PCDHA8: variants seen among roughly 807,000 people sequenced by gnomAD.
The protein encoded by PCDHA8 is protocadherin alpha 8.
Under a neutral mutation model 61.8 loss-of-function variants are expected in PCDHA8, and 53 were observed. The observed-to-expected ratio is 0.86, with a 90% CI of 0.69 to 1.08. The LOEUF (loss-of-function observed/expected upper bound fraction) is 1.08, where lower values mean the gene tolerates loss of function less well. Among genes scored for constraint, PCDHA8 ranks in the 50% least tolerant of loss-of-function variants. PCDHA8 has a pLI of 0.00. For synonymous variants in PCDHA8, 618 were observed against 556.6 expected, an observed-to-expected ratio of 1.11 and a Z score of -1.55; for missense variants, 1,293 against 1,245.0, an observed-to-expected ratio of 1.04 and a Z score of -0.58.
rs2150532197 is a variant in PCDHA8, at chr5:140,853,456, T to A, written c.2394+9741T>A. 114 of 975,538 alleles carry A rather than the reference T, an allele frequency of 1.2e-4. 11 individuals are homozygous for A. The Admixed American group carries it at 6.5e-3, about 55-fold the overall frequency. The allele number at this position is 975,538 out of a possible 1,614,324, so 60.4% of individuals were successfully genotyped here. A position where few individuals can be genotyped will look rare whatever the true frequency, so the allele number is the denominator to read the frequency against. ...TCCTATTTTGCCTAATAGGTCTCCT[T>A]ATATGCATCTGTAGTTAACATTCCT... On this transcript the variant is annotated intron_variant, in intron 1 of 3. Transcript: ENST00000531613.
rs782641512 is a variant in PCDHA8 at position 140,857,970 on chromosome 5, C to T, written c.2394+14255C>T. The T allele has an allele frequency of 1.9e-5, 30 of 1,596,836 alleles. 3 individuals are homozygous for T. The highest frequency in any genetic ancestry group is 1.1e-4 in the African/African-American group (8 of 74,204). ...ACGCGCGCTCTGGATGAGACTGACT[C>T]GCCACGCCAGCGCCTACTGGTGCTG... On this transcript the variant is annotated intron_variant, in intron 1 of 3. Coordinates refer to ENST00000531613, the MANE Select transcript of PCDHA8 (RefSeq NM_018911.3).
chr5:140,993,267 T>C (rs1554253547), intron 3 of PCDHA8, among the ~76,000 whole-genome samples: 1 of 152,166 alleles, frequency 6.6e-6, no homozygotes, highest in Non-Finnish European at 1.5e-5. Context: ...ATTAGCTTCT[T>C]TGGTCTTTTC....
At position 140,966,347 on chromosome 5, in the gene PCDHA8, G is replaced by A. The variant is rs189506336; in HGVS notation, c.2395-12602G>A. 6.3e-5 allele frequency: 25 copies of A among 397,502 alleles called. No homozygotes were observed. The East Asian group carries it at 8.6e-4, about 14-fold the overall frequency. The allele number at this position is 397,502 out of a possible 1,614,324, so 24.6% of individuals were successfully genotyped here. A position where few individuals can be genotyped will look rare whatever the true frequency, so the allele number is the denominator to read the frequency against. On this transcript the variant is annotated intron_variant, in intron 1 of 3. Transcript: ENST00000531613. ...GGGATCCGGCAGGTCCAGGGTGAAG[G>A]AGATGGGGCTGGAGAGGCTGAGCAG... is the stretch of plus-strand genomic sequence containing the variant.
Position 140,850,693 on chromosome 5 carries a change from C to G in PCDHA8, c.2394+6978C>G, listed in dbSNP as rs138234390. On this transcript the variant is annotated intron_variant, in intron 1 of 3. Coordinates refer to ENST00000531613, the MANE Select transcript of PCDHA8 (RefSeq NM_018911.3). ...GCGATGCCCACCGAGGGCGAGTGCG[C>G]GCCTGGCAAGCCGACGCTGGTGTGT... 2.8e-3 allele frequency: 4,547 copies of G among 1,598,322 alleles called. 355 individuals carry two copies. In the South Asian group the frequency reaches 0.039, roughly 14 times the overall value.
In PCDHA8 at chr5:141,010,121, T is replaced by C; in HGVS notation, c.*184T>C. The C allele has an allele frequency of 1.2e-6, 2 of 1,606,996 alleles. No homozygotes were observed. The highest frequency in any genetic ancestry group is 1.7e-6 in the Non-Finnish European group (2 of 1,176,140). On this transcript the variant is annotated 3_prime_UTR_variant, in exon 4 of 4. Transcript: ENST00000531613. ...ACAGGTTTTGTCGTAAAAGCTTTAC[T>C]AAGTCTGGTGTTAACTCTTTCTCTC... is the stretch of plus-strand genomic sequence containing the variant.
intron 1 of PCDHA8, among the ~76,000 whole-genome samples, chr5:140,975,601 G>A (rs943598203): frequency 1.2e-4 from 19 of 152,192 alleles, no homozygotes; most frequent in African/African-American, 4.6e-4. Flanking sequence ...GCAATTTGTT[G>A]ATGTCTTCCA....
intron 1 of PCDHA8, chr5:140,870,947 G>T: frequency 1.2e-6 from 2 of 1,613,700 alleles, no homozygotes; most frequent in Non-Finnish European, 1.7e-6. Context: ...CCGGCGGCGG[G>T]CGGCTCGCGC....
chr5:141,009,686 A>G lies in PCDHA8; in HGVS notation c.2602A>G (p.Thr868Ala). Residue 868 changes from threonine to alanine, a missense_variant, in exon 4 of 4, where the codon ACC becomes GCC. Thr to Ala is a moderately conservative substitution (Grantham distance 58). Coordinates refer to ENST00000531613, the MANE Select transcript of PCDHA8 (RefSeq NM_018911.3). ...VGAGVNSNSW[T>A]FKYGPGNPKQ... ...TGCGGGTGTCAACAGCAACAGCTGG[A>G]CCTTTAAATACGGACCAGGCAACCC... is the stretch of plus-strand genomic sequence containing the variant. The G allele has an allele frequency of 6.2e-7, 1 of 1,613,998 alleles. No homozygotes were observed. The highest frequency in any genetic ancestry group is 8.5e-7 in the Non-Finnish European group (1 of 1,179,996).
intron 3 of PCDHA8, among the ~76,000 whole-genome samples, chr5:140,983,265 T>C (rs553920702): frequency 6.6e-6 from 1 of 152,200 alleles, no homozygotes; most frequent in Non-Finnish European, 1.5e-5. Flanking sequence ...AAAAACCTAA[T>C]GGCTGGGTGA....
At chr5:140,877,729 C>G (rs1554170045) in intron 1 of PCDHA8, 2 of 1,614,168 alleles carry the variant, frequency 1.2e-6, no homozygotes, top group South Asian at 2.2e-5. Context: ...TTACTCGCAG[C>G]AGAGGAGGCA....
intron 1 of PCDHA8, chr5:140,969,289 G>C: frequency 6.2e-7 from 1 of 1,614,208 alleles, no homozygotes; most frequent in Non-Finnish European, 8.5e-7. Context: ...AGAATGCTGG[G>C]AACCTGATTA....
chr5:140,892,608 TA>T (rs1442553538), intron 1 of PCDHA8, among the ~76,000 whole-genome samples: 2 of 152,184 alleles, frequency 1.3e-5, no homozygotes, highest in African/African-American at 4.8e-5. Flanking sequence ...TTTTTCCTTT[TA>T]TTTCCAGTTG....
intron 3 of PCDHA8, among the ~76,000 whole-genome samples, chr5:140,988,734 T>C (rs2097310672): frequency 1.3e-5 from 2 of 152,212 alleles, no homozygotes. Context: ...ATAGTAATTA[T>C]TCTAGGATTG....
chr5:140,969,190 T>C, intron 1 of PCDHA8: 2 of 1,614,072 alleles, frequency 1.2e-6, no homozygotes, highest in Non-Finnish European at 1.7e-6. Flanking sequence ...CTTTCATGTT[T>C]TACAATACAG....
intron 1 of PCDHA8, among the ~76,000 whole-genome samples, chr5:140,946,631 T>TATATATTATATATATATATATATATACAC (rs57893927): frequency 7.6e-6 from 1 of 131,846 alleles, no homozygotes; most frequent in African/African-American, 3.5e-5. Flanking sequence ...TATATATATA[T>TATATATTATATATATATATATATATACAC]ACAATGGAAT....
chr5:140,852,296 G>C, intron 1 of PCDHA8: 1 of 460,598 alleles, frequency 2.2e-6, no homozygotes, highest in South Asian at 9.2e-5. Flanking sequence ...TTATTTTTCT[G>C]AGACGGAGTC....
intron 1 of PCDHA8, among the ~76,000 whole-genome samples, chr5:140,951,625 A>T (rs2094607568): frequency 6.6e-6 from 1 of 152,114 alleles, no homozygotes; most frequent in African/African-American, 2.4e-5. Flanking sequence ...CAAGGGGGAA[A>T]CCTGCCCCAT....
chr5:140,935,044 G>C (rs1246943645), intron 1 of PCDHA8, among the ~76,000 whole-genome samples: 1 of 151,942 alleles, frequency 6.6e-6, no homozygotes, highest in African/African-American at 2.4e-5. Context: ...CTTGATTTCT[G>C]GTATTACAAG....
chr5:140,959,646 G>A (rs1222418847), intron 1 of PCDHA8, among the ~76,000 whole-genome samples: 5 of 152,010 alleles, frequency 3.3e-5, no homozygotes, highest in Admixed American at 6.6e-5. Context: ...AAACACAGAA[G>A]CAAAATTGAA....
Sources: allele counts gnomAD v4.1 joint callset (sites outside exome capture counted in the v4.1 genomes callset), GRCh38; gene constraint gnomAD v4.1.1; transcripts MANE v1.5; gene names NCBI Gene and HGNC (gene_info 2026-07-23, HGNC 2026-07-21).